SYT1: variants seen among roughly 807,000 people sequenced by gnomAD.
The protein encoded by SYT1 is synaptotagmin-1.
SYT1 carries 8 observed loss-of-function variants against 44.8 expected under a neutral mutation model. The ratio of observed to expected loss-of-function variants is 0.18; its 90% CI spans 0.10 to 0.32. SYT1 has a LOEUF of 0.32. Among genes scored for constraint, SYT1 ranks in the 10% least tolerant of loss-of-function variants. The pLI is 1.00. For missense variants in SYT1, 286 were observed against 509.3 expected (o/e 0.56, Z 4.22); for synonymous variants, 154 against 188.8 (o/e 0.82, Z 1.51).
intron 1 of SYT1, among the ~76,000 whole-genome samples, chr12:78,905,159 G>T (rs1347133001): frequency 3.9e-5 from 6 of 152,102 alleles, no homozygotes; most frequent in Non-Finnish European, 8.8e-5. Flanking sequence ...CCTGTTTTCT[G>T]TGGGCCAGAA....
intron 1 of SYT1, among the ~76,000 whole-genome samples, chr12:78,878,822 A>G (rs568343298): frequency 6.6e-6 from 1 of 151,732 alleles, no homozygotes; most frequent in African/African-American, 2.4e-5. Context: ...TGGAGAGTAC[A>G]TAGGGGAGAG....
intron 9 of SYT1, among the ~76,000 whole-genome samples, chr12:79,441,307 T>TTGC (rs1015621033): frequency 2.6e-5 from 4 of 151,522 alleles, no homozygotes; most frequent in East Asian, 3.9e-4. Flanking sequence ...GTTGTTGTTG[T>TTGC]TGCTGCTGCT....
At chr12:79,224,162 C>T (rs1048312816) in intron 4 of SYT1, among the ~76,000 whole-genome samples, 3 of 152,102 alleles carry the variant, frequency 2.0e-5, no homozygotes, top group African/African-American at 7.2e-5. Context: ...CTTACTCTGC[C>T]TCAGTCCAGT....
chr12:79,296,948 G>A (rs368584149), intron 7 of SYT1, among the ~76,000 whole-genome samples: 33 of 152,090 alleles, frequency 2.2e-4, no homozygotes, highest in African/African-American at 6.7e-4. Flanking sequence ...TTTAACGTGC[G>A]AAAAAAACTT....
intron 4 of SYT1, among the ~76,000 whole-genome samples, chr12:79,232,486 CA>C (rs1324833801): frequency 2.0e-5 from 3 of 152,040 alleles, no homozygotes; most frequent in African/African-American, 7.2e-5. Flanking sequence ...GGTCTTTATA[CA>C]AATTGTCTCC....
Position 79,065,241 on chromosome 12 carries a change from C to T in SYT1, c.-18+17879C>T, listed in dbSNP as rs906175952. On this transcript the variant is annotated intron_variant, in intron 3 of 10. Transcript: ENST00000261205. ...AAAAACAAACAACAACAAAAATAGC[C>T]GGCATTATAGCACACACCTGTAGTC... Among the ~76,000 whole-genome samples the T allele has an allele frequency of 9.2e-5, 14 of 152,108 alleles. No homozygotes were observed. The East Asian group carries it at 2.3e-3, about 25-fold the overall frequency.
At chr12:79,001,082 C>T (rs569822979) in intron 2 of SYT1, among the ~76,000 whole-genome samples, 8 of 152,194 alleles carry the variant, frequency 5.3e-5, no homozygotes, top group Admixed American at 2.0e-4. Context: ...AATTCATATA[C>T]TATTCTAGTG....
Position 79,377,333 on chromosome 12 carries a change from G to A in SYT1, c.928+23714G>A, listed in dbSNP as rs551957073. On this transcript the variant is annotated intron_variant, in intron 9 of 10. Coordinates refer to ENST00000261205, the MANE Select transcript of SYT1 (RefSeq NM_005639.3). The stretch of plus-strand genomic sequence containing the variant: ...TCACCGTTTTAGCCAGGATGGTCTC[G>A]ATCTCCTGACCTCGTGATCCGCCTA... Among the ~76,000 whole-genome samples, 31 of 152,262 alleles carry A rather than the reference G, an allele frequency of 2.0e-4. No homozygotes were observed. In the East Asian group the frequency reaches 5.6e-3, roughly 28 times the overall value.
At chr12:78,922,306 A>G (rs1481106153) in intron 1 of SYT1, among the ~76,000 whole-genome samples, 2 of 151,942 alleles carry the variant, frequency 1.3e-5, no homozygotes, top group Non-Finnish European at 2.9e-5. Context: ...TGTAACTAAT[A>G]GAGTCAAGAG....
At chr12:79,131,389 T>A (rs1183953144) in intron 3 of SYT1, among the ~76,000 whole-genome samples, 2 of 152,092 alleles carry the variant, frequency 1.3e-5, no homozygotes, top group Non-Finnish European at 2.9e-5. Context: ...AACAAGGGTT[T>A]TTTTGTTTGT....
intron 2 of SYT1, among the ~76,000 whole-genome samples, chr12:79,025,614 G>A (rs1246313723): frequency 1.3e-5 from 2 of 151,344 alleles, no homozygotes; most frequent in East Asian, 1.9e-4. Context: ...TAACACATAT[G>A]CATATATATG....
intron 3 of SYT1, among the ~76,000 whole-genome samples, chr12:79,084,372 T>C (rs528597484): frequency 6.6e-6 from 1 of 152,260 alleles, no homozygotes; most frequent in South Asian, 2.1e-4. Context: ...TGAGAATTAG[T>C]TGAACATACA....
chr12:79,242,219 C>T (rs1324342024), intron 4 of SYT1, among the ~76,000 whole-genome samples: 4 of 152,154 alleles, frequency 2.6e-5, no homozygotes, highest in African/African-American at 7.2e-5. Flanking sequence ...TCCTTGTGAA[C>T]GAATGCTGCA....
At chr12:78,949,904 A>C (rs904525698) in intron 1 of SYT1, among the ~76,000 whole-genome samples, 3 of 152,046 alleles carry the variant, frequency 2.0e-5, no homozygotes, top group Non-Finnish European at 2.9e-5. Flanking sequence ...TAAGATATGC[A>C]TTTCTAACTG....
At chr12:79,203,034 G>T (rs898444353) in intron 3 of SYT1, among the ~76,000 whole-genome samples, 2 of 152,016 alleles carry the variant, frequency 1.3e-5, no homozygotes, top group Non-Finnish European at 2.9e-5. Flanking sequence ...TGTAGGTAAA[G>T]AGTATTAGCA....
At chr12:78,973,736 G>T (rs1162501385) in intron 1 of SYT1, among the ~76,000 whole-genome samples, 1 of 150,670 alleles carries the variant, frequency 6.6e-6, no homozygotes, top group Non-Finnish European at 1.5e-5. Flanking sequence ...TAACATCTTG[G>T]AGACAATTTT....
intron 3 of SYT1, among the ~76,000 whole-genome samples, chr12:79,082,755 C>A (rs1339272306): frequency 5.3e-5 from 8 of 151,934 alleles, no homozygotes; most frequent in African/African-American, 1.7e-4. Flanking sequence ...CTTCATGAGC[C>A]AAGGAAGAGG....
At chr12:79,077,589 T>C (rs1876742750) in intron 3 of SYT1, among the ~76,000 whole-genome samples, 1 of 152,224 alleles carries the variant, frequency 6.6e-6, no homozygotes, top group African/African-American at 2.4e-5. Flanking sequence ...AATATTCTTC[T>C]TTTAAAATAA....
chr12:79,055,319 A>G (rs1376339225), intron 3 of SYT1, among the ~76,000 whole-genome samples: 1 of 151,942 alleles, frequency 6.6e-6, no homozygotes, highest in Non-Finnish European at 1.5e-5. Flanking sequence ...ATTCTGAAAA[A>G]CATTATCTTT....
Sources: gnomAD v4.1 joint callset for allele counts (sites outside exome capture counted in the v4.1 genomes callset) on GRCh38, gnomAD v4.1.1 for gene constraint, MANE v1.5 for transcripts, NCBI Gene and HGNC (gene_info 2026-07-23, HGNC 2026-07-21) for gene names.